The following R3HDM1 variants were observed in gnomAD, a reference collection of about 807,000 sequenced individuals.
The protein encoded by R3HDM1 is R3H domain-containing protein 1.
A neutral mutation model predicts 141.1 loss-of-function variants in R3HDM1; 46 were observed. That is an observed-to-expected ratio of 0.33 (90% CI 0.26 to 0.42). The LOEUF (loss-of-function observed/expected upper bound fraction) is 0.42. R3HDM1 is among the 10% of genes least tolerant of loss of function. The pLI, the probability that R3HDM1 is intolerant of heterozygous loss-of-function variation, is 1.00. For missense variants in R3HDM1, 1,184 were observed against 1,368.3 expected, an observed-to-expected ratio of 0.87 and a Z score of 2.12; for synonymous variants, 435 against 472.9, an observed-to-expected ratio of 0.92 and a Z score of 1.04.
intron 1 of R3HDM1, among the ~76,000 whole-genome samples, chr2:135,534,479 T>C (rs1695609933): frequency 6.6e-6 from 1 of 152,256 alleles, no homozygotes; most frequent in Non-Finnish European, 1.5e-5. Context: ...TATTCCTTTC[T>C]CTTCAGAGGC....
intron 1 of R3HDM1, among the ~76,000 whole-genome samples, chr2:135,563,549 G>A (rs1475479133): frequency 6.6e-6 from 1 of 152,056 alleles, no homozygotes; most frequent in African/African-American, 2.4e-5. Flanking sequence ...AAGGTATTTG[G>A]TATAAAATCA....
chr2:135,561,733 A>T (rs1701836076), intron 1 of R3HDM1, among the ~76,000 whole-genome samples: 2 of 152,146 alleles, frequency 1.3e-5, no homozygotes, highest in South Asian at 4.1e-4. Flanking sequence ...ACAAAAAAAA[A>T]ACCAAGCTTA....
At chr2:135,650,480 G>A (rs995911193) in intron 17 of R3HDM1, 34 of 977,850 alleles carry the variant, frequency 3.5e-5, no homozygotes, top group East Asian at 1.1e-4. Flanking sequence ...ATCTGTGACT[G>A]TAAAGTAATG....
At chr2:135,582,324 G>A (rs1477313118) in intron 1 of R3HDM1, among the ~76,000 whole-genome samples, 1 of 152,074 alleles carries the variant, frequency 6.6e-6, no homozygotes, top group African/African-American at 2.4e-5. Context: ...GAGCAAGACT[G>A]TCTCAAATAA....
chr2:135,630,304 A>C (rs988170327), intron 7 of R3HDM1, among the ~76,000 whole-genome samples: 18 of 147,132 alleles, frequency 1.2e-4, no homozygotes, highest in East Asian at 1.9e-4. Context: ...AAAAAAAAAA[A>C]AAAACAAAAA....
intron 21 of R3HDM1, among the ~76,000 whole-genome samples, chr2:135,706,955 C>T (rs961945025): frequency 6.6e-6 from 1 of 151,792 alleles, no homozygotes; most frequent in Non-Finnish European, 1.5e-5. Flanking sequence ...TAGGGGCGGC[C>T]GGGCAGAGGC....
At chr2:135,600,316 T>C (rs1402602140) in intron 1 of R3HDM1, among the ~76,000 whole-genome samples, 3 of 152,090 alleles carry the variant, frequency 2.0e-5, no homozygotes, top group Admixed American at 1.3e-4. Flanking sequence ...GCTAAGCCGC[T>C]TGTACACAGT....
chr2:135,575,298 T>C (rs924120698), intron 1 of R3HDM1, among the ~76,000 whole-genome samples: 1 of 152,230 alleles, frequency 6.6e-6, no homozygotes, highest in African/African-American at 2.4e-5. Context: ...TTCTTCTGCC[T>C]CAGCCTCCAA....
intron 1 of R3HDM1, among the ~76,000 whole-genome samples, chr2:135,585,576 T>C (rs1256284788): frequency 1.3e-5 from 2 of 152,218 alleles, no homozygotes; most frequent in African/African-American, 4.8e-5. Flanking sequence ...CCAGAAAACA[T>C]ACTCATCTGG....
At chr2:135,597,796 C>T (rs149346691) in intron 1 of R3HDM1, among the ~76,000 whole-genome samples, 13 of 152,052 alleles carry the variant, frequency 8.5e-5, no homozygotes, top group South Asian at 2.1e-4. Flanking sequence ...CCTATAGGAG[C>T]GAGATTTCTT....
chr2:135,709,361 C>G, intron 21 of R3HDM1, 72 bp from the exon 22 acceptor site: 2 of 1,582,038 alleles, frequency 1.3e-6, no homozygotes, highest in Admixed American at 1.8e-5. Flanking sequence ...GCGTGAGCAC[C>G]GCGCCCAGCC....
At chr2:135,608,097 C>G (rs1676781621) in intron 3 of R3HDM1, 5 of 481,024 alleles carry the variant, frequency 1.0e-5, no homozygotes, top group Non-Finnish European at 1.4e-5. Flanking sequence ...GGGCGGGTCA[C>G]AAGGTCAGGA....
intron 23 of R3HDM1, among the ~76,000 whole-genome samples, chr2:135,714,270 A>G (rs2075954318): frequency 6.6e-6 from 1 of 152,212 alleles, no homozygotes; most frequent in South Asian, 2.1e-4. Flanking sequence ...AGAAGGACAC[A>G]TTACTTCTCT....
chr2:135,589,295 G>C (rs1342051298), intron 1 of R3HDM1, among the ~76,000 whole-genome samples: 1 of 152,180 alleles, frequency 6.6e-6, no homozygotes. Context: ...TCTCAGAGCT[G>C]AGTTAAATGT....
chr2:135,711,923 C>T (rs1237425471), intron 23 of R3HDM1, among the ~76,000 whole-genome samples: 5 of 137,612 alleles, frequency 3.6e-5, no homozygotes, highest in African/African-American at 1.4e-4. Context: ...CGTGCCCTTG[C>T]ACTCCAGCCT....
intron 24 of R3HDM1, among the ~76,000 whole-genome samples, chr2:135,717,625 AC>A (rs2076298775): frequency 6.6e-6 from 1 of 152,174 alleles, no homozygotes; most frequent in African/African-American, 2.4e-5. Flanking sequence ...TATGCTTATT[AC>A]CTGGGTGATA....
At chr2:135,554,780 C>T (rs906623162) in intron 1 of R3HDM1, among the ~76,000 whole-genome samples, 13 of 152,108 alleles carry the variant, frequency 8.5e-5, no homozygotes, top group Non-Finnish European at 2.9e-5. Context: ...GGAACAGATC[C>T]TACTTGACCA....
chr2:135,664,255 A>G (rs1308025952), intron 19 of R3HDM1, among the ~76,000 whole-genome samples: 1 of 152,076 alleles, frequency 6.6e-6, no homozygotes, highest in East Asian at 1.9e-4. Context: ...ACATTCTACT[A>G]TCCCAATCTG....
chr2:135,612,548 CTG>C (rs1186296790), intron 3 of R3HDM1, among the ~76,000 whole-genome samples: 4 of 152,108 alleles, frequency 2.6e-5, no homozygotes, highest in Non-Finnish European at 5.9e-5. Context: ...CAATTTCAAA[CTG>C]AAATTCTATT....
Sources: gnomAD v4.1 joint callset for allele counts (sites outside exome capture counted in the v4.1 genomes callset) on GRCh38, gnomAD v4.1.1 for gene constraint, MANE v1.5 for transcripts, NCBI Gene and HGNC (gene_info 2026-07-23, HGNC 2026-07-21) for gene names.